OR4D9: variants seen among roughly 807,000 people sequenced by gnomAD.
OR4D9 encodes the protein olfactory receptor family 4 subfamily D member 9, also known as olfactory receptor 4D9.
Under a neutral mutation model 0.8 loss-of-function variants are expected in OR4D9, and 2 were observed. The observed-to-expected ratio is 2.58, with a 90% confidence interval of 1.06 to 8.13. The LOEUF (loss-of-function observed/expected upper bound fraction) is 8.13. OR4D9 is among the 30% of genes most tolerant of loss of function. The pLI is 0.04. For missense variants in OR4D9, 399 were observed against 384.7 expected, an observed-to-expected ratio of 1.04 and a Z score of -0.31; for synonymous variants, 146 against 151.2, an observed-to-expected ratio of 0.97 and a Z score of 0.25.
intron 1 of OR4D9, among the ~76,000 whole-genome samples, chr11:59,513,373 G>A (rs1859355581): frequency 6.6e-6 from 1 of 152,160 alleles, no homozygotes; most frequent in African/African-American, 2.4e-5. Context: ...TTTTACACCA[G>A]CAGAATATGC....
At position 59,514,955 on chromosome 11, in the gene OR4D9, C is replaced by T. The variant is rs1859380571; in HGVS notation, c.43C>T (p.Leu15=). The T allele has an allele frequency of 5.6e-6, 9 of 1,613,402 alleles. No individual in the cohort carries two copies. The highest frequency in any genetic ancestry group is 1.3e-5 in the African/African-American group (1 of 74,894). Residue 15 remains leucine, a synonymous_variant, in exon 3 of 3, where the codon CTG becomes TTG. Coordinates refer to ENST00000641962, the MANE Select transcript of OR4D9 (RefSeq NM_001004711.2). ...CACCAGAGTGAAAGAATTTACCTTC[C>T]TGGGAATTACTCAGTCCCGAGAACT... ...NYTRVKEFTF[L]GITQSRELSQ...
rs934757446 is a variant in OR4D9, at chr11:59,518,527, A to G, written c.*2670A>G. 1 of 152,226 alleles carries G rather than the reference A, an allele frequency of 6.6e-6. No individual in the cohort carries two copies. Among genetic ancestry groups the G allele is most frequent in the Admixed American group, 6.5e-5 (1 of 15,272 alleles). The allele number at this position is 152,226 out of a possible 1,614,324, so 9.4% of individuals were successfully genotyped here. A position where few individuals can be genotyped will look rare whatever the true frequency, so the allele number is the denominator to read the frequency against. The stretch of plus-strand genomic sequence containing the variant: ...CTCTTGAGTAGCTGGGACTACAGAC[A>G]TGCACCACTATATCTGGCTAATTTT... On this transcript the variant is annotated 3_prime_UTR_variant, in exon 3 of 3. Coordinates refer to ENST00000641962, the MANE Select transcript of OR4D9 (RefSeq NM_001004711.2).
At position 59,514,724 on chromosome 11, in the gene OR4D9, G is replaced by T. The variant is rs902532891; in HGVS notation, c.-73G>T. The T allele has an allele frequency of 2.0e-6, 1 of 509,336 alleles. No individual in the cohort carries two copies. The highest frequency in any genetic ancestry group is 3.4e-6 in the Non-Finnish European group (1 of 292,084). The allele number at this position is 509,336 out of a possible 1,614,324, so 31.6% of individuals were successfully genotyped here. ...CTGGGATGACTGAATCAAAAACCTG[G>T]GTAATCTTTCATCCAGTGGTGGCAT... On this transcript the variant is annotated 5_prime_UTR_variant, in exon 2 of 3. Coordinates refer to ENST00000641962, the MANE Select transcript of OR4D9 (RefSeq NM_001004711.2).
rs1386964965 is a variant in OR4D9, at chr11:59,517,743, A to C, written c.*1886A>C. ...CTACTCAGGAGGCTAAGGCAGGAGA[A>C]TTGCTTGAACCTGGGAGGCGGAGGT... is the stretch of plus-strand genomic sequence containing the variant. On this transcript the variant is annotated 3_prime_UTR_variant, in exon 3 of 3. Coordinates refer to ENST00000641962, the MANE Select transcript of OR4D9 (RefSeq NM_001004711.2). 1 of 152,070 alleles carries C rather than the reference A, an allele frequency of 6.6e-6. No homozygotes were observed. The highest frequency in any genetic ancestry group is 1.5e-5 in the Non-Finnish European group (1 of 68,074). 9.4% of individuals were successfully genotyped at this position (152,070 alleles called of 1,614,324 possible).
At chr11:59,514,294 T>C (rs377074143) in intron 1 of OR4D9, among the ~76,000 whole-genome samples, 1 of 152,198 alleles carries the variant, frequency 6.6e-6, no homozygotes, top group East Asian at 1.9e-4. Context: ...CTTTTCAGTT[T>C]CTATCTTTTT....
intron 1 of OR4D9, among the ~76,000 whole-genome samples, chr11:59,512,463 C>A (rs1859341434): frequency 7.7e-6 from 1 of 129,660 alleles, no homozygotes; most frequent in South Asian, 2.5e-4. Flanking sequence ...GGCGACACAG[C>A]GAGACTCCAT....
At position 59,515,371 on chromosome 11, in the gene OR4D9, T is replaced by G; in HGVS notation, c.459T>G (p.Phe153Leu). 1.2e-6 allele frequency: 2 copies of G among 1,614,106 alleles called. No individual in the cohort carries two copies. The highest frequency in any genetic ancestry group is 1.7e-6 in the Non-Finnish European group (2 of 1,180,012). Residue 153 changes from phenylalanine to leucine, a missense_variant, in exon 3 of 3, where the codon TTT becomes TTG. By Grantham distance (22) the Phe-to-Leu change is conservative. Transcript: ENST00000641962. ...TCGTGGCTTCCTGGGTGGGGGGCTT[T>G]GTCCACTCCATAGCGCAGATTTCTC... Reference protein sequence around the residue: ...GLIVASWVGGFVHSIAQISLL... With the variant: ...GLIVASWVGGLVHSIAQISLL...
At position 59,515,377 on chromosome 11, in the gene OR4D9, C is replaced by A. The variant is rs372940540; in HGVS notation, c.465C>A (p.His155Gln). 5 of 1,613,972 alleles carry A rather than the reference C, an allele frequency of 3.1e-6. No individual in the cohort carries two copies. The African/African-American group carries it at 6.7e-5, about 22-fold the overall frequency. Residue 155 changes from histidine (H) to glutamine (Q), a missense_variant, in exon 3 of 3, where the codon CAC becomes CAA. Transcript: ENST00000641962. ...IVASWVGGFV[H>Q]SIAQISLLLP... ...CTTCCTGGGTGGGGGGCTTTGTCCA[C>A]TCCATAGCGCAGATTTCTCTATTGC...
Position 59,515,527 on chromosome 11 carries a change from A to G in OR4D9, c.615A>G (p.Leu205=). 2 of 1,614,138 alleles carry G rather than the reference A, an allele frequency of 1.2e-6. No individual in the cohort carries two copies. The highest frequency in any genetic ancestry group is 1.7e-6 in the Non-Finnish European group (2 of 1,180,024). ...TCCTGATGATTTCAAATAATGGGTTAGTCAGTTGGTTTGTATTCTTCTTTC... is the reference window on the plus strand; with the variant it reads ...TCCTGATGATTTCAAATAATGGGTTGGTCAGTTGGTTTGTATTCTTCTTTC... ...LELLMISNNG[L]VSWFVFFFLL... Residue 205 remains leucine, a synonymous_variant, in exon 3 of 3, where the codon TTA becomes TTG. Coordinates refer to ENST00000641962, the MANE Select transcript of OR4D9 (RefSeq NM_001004711.2).
Position 59,515,986 on chromosome 11 carries a change from C to A in OR4D9, c.*129C>A. ...CATCGAGTCCTAAAAGAAGTTATTC[C>A]ATCATATATGTTGGGGACCACGTGG... On this transcript the variant is annotated 3_prime_UTR_variant, in exon 3 of 3. Transcript: ENST00000641962. The A allele has an allele frequency of 1.4e-6, 1 of 693,150 alleles. No individual in the cohort carries two copies. The highest frequency in any genetic ancestry group is 2.4e-6 in the Non-Finnish European group (1 of 423,660). 42.9% of individuals were successfully genotyped at this position (693,150 alleles called of 1,614,324 possible).
rs1859330783 is a variant in OR4D9, at chr11:59,511,761, T to G, written c.-125+15T>G. 6.6e-6 allele frequency: 1 copy of G among 152,212 alleles called. No homozygotes were observed. Among genetic ancestry groups the G allele is most frequent in the South Asian group, 2.1e-4 (1 of 4,832 alleles). 9.4% of individuals were successfully genotyped at this position (152,212 alleles called of 1,614,324 possible). On this transcript the variant is annotated intron_variant, in intron 1 of 2. Coordinates refer to ENST00000641962, the MANE Select transcript of OR4D9 (RefSeq NM_001004711.2). ...AAAGAAAAGAGGTAGTTTTTCACTA[T>G]TAGAAAGAGGGAAAGTGTGGCTTGC...
rs1011990402 is a variant in OR4D9, at chr11:59,520,537, C to G, written c.*4680C>G. On this transcript the variant is annotated 3_prime_UTR_variant, in exon 3 of 3. Transcript: ENST00000641962. ...ATGACGAGTTAATGGGCACAGCACA[C>G]CAGCATGGCACATGTATATGTATGT... 9.2e-5 allele frequency: 14 copies of G among 151,652 alleles called. No homozygotes were observed. Among genetic ancestry groups the G allele is most frequent in the African/African-American group, 2.9e-4 (12 of 41,322 alleles). 9.4% of individuals were successfully genotyped at this position (151,652 alleles called of 1,614,324 possible). A position where few individuals can be genotyped will look rare whatever the true frequency, so the allele number is the denominator to read the frequency against.
chr11:59,519,228 C>T lies in OR4D9; in HGVS notation c.*3371C>T, dbSNP rs1859443580. ...ATTAGCAGAGCATGGTGGCACACGC[C>T]TGTAGTCCTAGCTACTCAGGAGACT... On this transcript the variant is annotated 3_prime_UTR_variant, in exon 3 of 3. Coordinates refer to ENST00000641962, the MANE Select transcript of OR4D9 (RefSeq NM_001004711.2). 1 of 152,032 alleles carries T rather than the reference C, an allele frequency of 6.6e-6. No individual in the cohort carries two copies. Among genetic ancestry groups the T allele is most frequent in the African/African-American group, 2.4e-5 (1 of 41,346 alleles). 9.4% of individuals were successfully genotyped at this position (152,032 alleles called of 1,614,324 possible).
In OR4D9 at chr11:59,515,899, C is replaced by T. The variant is rs766738185; in HGVS notation, c.*42C>T. 1 of 1,414,996 alleles carries T rather than the reference C, an allele frequency of 7.1e-7. No individual in the cohort carries two copies. The highest frequency in any genetic ancestry group is 9.6e-7 in the Non-Finnish European group (1 of 1,044,366). 87.7% of individuals were successfully genotyped at this position (1,414,996 alleles called of 1,614,324 possible). A position where few individuals can be genotyped will look rare whatever the true frequency, so the allele number is the denominator to read the frequency against. On this transcript the variant is annotated 3_prime_UTR_variant, in exon 3 of 3. Coordinates refer to ENST00000641962, the MANE Select transcript of OR4D9 (RefSeq NM_001004711.2). Reference sequence around the variant, plus strand: ...ATATTTAAAGATAGACATTAAATTTCACTTTCTCAAAATGGGAAAGGAGCT... The same window carrying T: ...ATATTTAAAGATAGACATTAAATTTTACTTTCTCAAAATGGGAAAGGAGCT...
At position 59,518,200 on chromosome 11, in the gene OR4D9, C is replaced by T. The variant is rs1859429173; in HGVS notation, c.*2343C>T. The T allele has an allele frequency of 6.6e-6, 1 of 152,196 alleles. No individual in the cohort carries two copies. The highest frequency in any genetic ancestry group is 6.5e-5 in the Admixed American group (1 of 15,272). 9.4% of individuals were successfully genotyped at this position (152,196 alleles called of 1,614,324 possible). A position where few individuals can be genotyped will look rare whatever the true frequency, so the allele number is the denominator to read the frequency against. ...CTATTGACTTCACCATACTGTGTTC[C>T]CCACTATGATAAAGCTCAAGCCATA... is the stretch of plus-strand genomic sequence containing the variant. On this transcript the variant is annotated 3_prime_UTR_variant, in exon 3 of 3. Transcript: ENST00000641962.
Position 59,515,709 on chromosome 11 carries a change from C to T in OR4D9, c.797C>T (p.Pro266Leu), listed in dbSNP as rs1171309473. 2 of 1,614,134 alleles carry T rather than the reference C, an allele frequency of 1.2e-6. No homozygotes were observed. The highest frequency in any genetic ancestry group is 1.7e-5 in the Admixed American group (1 of 60,008). Residue 266 changes from proline (P) to leucine (L), a missense_variant, in exon 3 of 3, where the codon CCC becomes CTC. Transcript: ENST00000641962. The stretch of plus-strand genomic sequence containing the variant: ...TATGCCCGGCCCTTCACTGCCCTCC[C>T]CACAGACACTGCCATCTCTGTCACC... ...YVYARPFTALPTDTAISVTFT... is the reference protein window; with the variant it reads ...YVYARPFTALLTDTAISVTFT...
chr11:59,515,071 T>C lies in OR4D9; in HGVS notation c.159T>C (p.Ser53=), dbSNP rs375485399. ...FLIMVTVTCE[S]HLHTPMYFLL... ...TCATGGTTACAGTTACCTGTGAATC[T>C]CACCTTCATACGCCCATGTACTTCC... The change falls in exon 3 of 3, where the codon TCT becomes TCC. Residue 53 remains serine, a synonymous_variant. Coordinates refer to ENST00000641962, the MANE Select transcript of OR4D9 (RefSeq NM_001004711.2). The C allele has an allele frequency of 7.8e-4, 1,255 of 1,614,028 alleles. 1 individual carries two copies. The highest frequency in any genetic ancestry group is 1.0e-3 in the Non-Finnish European group (1,226 of 1,180,026).
At chr11:59,512,069 A>G (rs746252658) in intron 1 of OR4D9, among the ~76,000 whole-genome samples, 1 of 152,158 alleles carries the variant, frequency 6.6e-6, no homozygotes, top group Non-Finnish European at 1.5e-5. Flanking sequence ...GCTTCTAGTA[A>G]AAGTTTTAGG....
rs1386261162 is a variant in OR4D9 at position 59,517,391 on chromosome 11, A to T, written c.*1534A>T. On this transcript the variant is annotated 3_prime_UTR_variant, in exon 3 of 3. Coordinates refer to ENST00000641962, the MANE Select transcript of OR4D9 (RefSeq NM_001004711.2). The stretch of plus-strand genomic sequence containing the variant: ...ACTGGTACTGGACCTTTAAAAGAAA[A>T]GTTGGGAAGAATAACTCCATTTATG... 6.6e-6 allele frequency: 1 copy of T among 152,206 alleles called. No individual in the cohort carries two copies. The highest frequency in any genetic ancestry group is 1.5e-5 in the Non-Finnish European group (1 of 68,048). 9.4% of individuals were successfully genotyped at this position (152,206 alleles called of 1,614,324 possible).
Sources: gnomAD v4.1 joint callset for allele counts (sites outside exome capture counted in the v4.1 genomes callset) on GRCh38, gnomAD v4.1.1 for gene constraint, MANE v1.5 for transcripts, NCBI Gene and HGNC (gene_info 2026-07-23, HGNC 2026-07-21) for gene names.